PPARGC1A: variants seen among roughly 807,000 people sequenced by gnomAD.
PPARGC1A encodes the protein PPARG coactivator 1 alpha, also known as peroxisome proliferator-activated receptor gamma coactivator 1-alpha.
Under a neutral mutation model 88.7 loss-of-function variants are expected in PPARGC1A, and 25 were observed. The observed-to-expected ratio is 0.28, with a 90% CI of 0.21 to 0.39. The LOEUF is 0.39. PPARGC1A is among the 10% of genes least tolerant of loss of function. The probability of loss-of-function intolerance (pLI) is 1.00; values close to 1 mark genes in which losing one functional copy is unlikely to be tolerated. For synonymous variants in PPARGC1A, 363 were observed against 355.6 expected (o/e 1.02, Z -0.24); for missense variants, 880 against 968.7 (o/e 0.91, Z 1.22).
the PPARGC1A span, among the ~76,000 whole-genome samples, chr4:24,128,092 G>A: frequency 3.3e-5 from 5 of 152,064 alleles, no homozygotes; most frequent in East Asian, 1.9e-4. Context: ...ATATATCTGC[G>A]GAAAGGAGGG....
chr4:24,059,433 A>G, the PPARGC1A span, among the ~76,000 whole-genome samples: 52,217 of 152,050 alleles, frequency 0.34, 9,130 homozygotes, highest in South Asian at 0.42. Flanking sequence ...AAGCCCAAGC[A>G]AGCTGTTTTC....
the PPARGC1A span, among the ~76,000 whole-genome samples, chr4:24,052,638 G>GAAAA: frequency 7.7e-6 from 1 of 129,076 alleles, no homozygotes; most frequent in Non-Finnish European, 1.6e-5. Flanking sequence ...TTACATCTCA[G>GAAAA]AAAAAAAAAA....
chr4:24,177,049 G>A, the PPARGC1A span, among the ~76,000 whole-genome samples: 2 of 152,186 alleles, frequency 1.3e-5, no homozygotes, highest in African/African-American at 2.4e-5. Flanking sequence ...CATTGTGGAA[G>A]TCAGTGTGGT....
chr4:24,132,749 G>T, the PPARGC1A span, among the ~76,000 whole-genome samples: 1 of 151,898 alleles, frequency 6.6e-6, no homozygotes, highest in Non-Finnish European at 1.5e-5. Context: ...AACATTTGCT[G>T]CTCAGATTTT....
chr4:24,048,485 TA>T, the PPARGC1A span, among the ~76,000 whole-genome samples: 2 of 152,234 alleles, frequency 1.3e-5, no homozygotes, highest in Non-Finnish European at 2.9e-5. Flanking sequence ...ATTTCTTTAG[TA>T]AACACAGTTT....
the PPARGC1A span, among the ~76,000 whole-genome samples, chr4:24,141,165 C>A: frequency 6.6e-6 from 1 of 152,292 alleles, no homozygotes. Context: ...ATCCCTTGCT[C>A]CAGAGGAACT....
At chr4:24,062,920 C>T in the PPARGC1A span, among the ~76,000 whole-genome samples, 1 of 152,218 alleles carries the variant, frequency 6.6e-6, no homozygotes, top group African/African-American at 2.4e-5. Flanking sequence ...TAGAACTATG[C>T]TTTATTCCTC....
chr4:24,430,261 T>C, the PPARGC1A span, among the ~76,000 whole-genome samples: 3 of 146,028 alleles, frequency 2.1e-5, no homozygotes, highest in Admixed American at 6.8e-5. Flanking sequence ...ATTTCTTTTT[T>C]TTTTTTTTTT....
At chr4:24,000,285 T>G in the PPARGC1A span, among the ~76,000 whole-genome samples, 1 of 152,292 alleles carries the variant, frequency 6.6e-6, no homozygotes, top group East Asian at 1.9e-4. Context: ...TCTCAGAGAC[T>G]TGGTACCAGA....
the PPARGC1A span, among the ~76,000 whole-genome samples, chr4:24,030,865 C>T: frequency 2.6e-5 from 4 of 152,310 alleles, no homozygotes; most frequent in African/African-American, 9.6e-5. Context: ...TTCATTTGCT[C>T]ACTCACTCAT....
At chr4:24,280,787 AT>A in the PPARGC1A span, among the ~76,000 whole-genome samples, 2 of 152,196 alleles carry the variant, frequency 1.3e-5, no homozygotes, top group African/African-American at 4.8e-5. Flanking sequence ...GCATGTATCC[AT>A]TGCATATGTG....
chr4:23,948,095 G>A, the PPARGC1A span, among the ~76,000 whole-genome samples: 7 of 152,050 alleles, frequency 4.6e-5, no homozygotes, highest in Non-Finnish European at 1.0e-4. Flanking sequence ...ACTCTTCTCC[G>A]ACTGCAAACC....
chr4:24,441,951 G>T, the PPARGC1A span, among the ~76,000 whole-genome samples: 108,938 of 152,132 alleles, frequency 0.72, 39,070 homozygotes, highest in Middle Eastern at 0.8. Context: ...AGAAATGCTA[G>T]GCCGAGTTGT....
chr4:24,085,345 T>C, the PPARGC1A span, among the ~76,000 whole-genome samples: 2 of 152,162 alleles, frequency 1.3e-5, no homozygotes, highest in Admixed American at 1.3e-4. Context: ...GTAATAAAAG[T>C]TATTTAAAAC....
the PPARGC1A span, among the ~76,000 whole-genome samples, chr4:24,311,725 T>C: frequency 4.5e-3 from 685 of 151,724 alleles, 5 homozygotes; most frequent in African/African-American, 0.016. Flanking sequence ...TTCGGTAAGC[T>C]GGAATATAGA....
In PPARGC1A at chr4:23,831,575, C is replaced by T; in HGVS notation, c.411G>A (p.Glu137=). Residue 137 remains glutamate (E), a synonymous_variant, in exon 3 of 13, where the codon GAG becomes GAA. Transcript: ENST00000264867. The part of the protein sequence containing the change: ...SMPDGTPPPQ[E]AEEPSLLKKL... ...TTCTTACTAGAGACGGCTCTTCTGC[C>T]TCCTGGGGTGGAGGGGTGCCGTCAG... is the stretch of plus-strand genomic sequence containing the variant. 6.2e-7 allele frequency: 1 copy of T among 1,614,026 alleles called. No individual in the cohort carries two copies. Among genetic ancestry groups the T allele is most frequent in the South Asian group, 1.1e-5 (1 of 91,076 alleles).
At chr4:23,955,261 A>G in the PPARGC1A span, among the ~76,000 whole-genome samples, 7 of 152,022 alleles carry the variant, frequency 4.6e-5, no homozygotes. Context: ...TCTATAAATA[A>G]ATGTTAATTC....
chr4:24,438,491 CAAT>C, the PPARGC1A span, among the ~76,000 whole-genome samples: 1 of 152,136 alleles, frequency 6.6e-6, no homozygotes, highest in Non-Finnish European at 1.5e-5. Context: ...AGTTTATTCC[CAAT>C]AATAATATTG....
chr4:23,949,041 T>C, the PPARGC1A span, among the ~76,000 whole-genome samples: 1 of 152,160 alleles, frequency 6.6e-6, no homozygotes, highest in African/African-American at 2.4e-5. Context: ...AGTTTTCTTC[T>C]TCATTTTTCA....
Sources: gnomAD v4.1 joint callset for allele counts (sites outside exome capture counted in the v4.1 genomes callset) on GRCh38, gnomAD v4.1.1 for gene constraint, MANE v1.5 for transcripts, NCBI Gene and HGNC (gene_info 2026-07-23, HGNC 2026-07-21) for gene names.